The following ATOSA variants were observed in gnomAD, a reference collection of about 807,000 sequenced individuals.
The protein encoded by ATOSA is atos homolog protein A.
chr15:52,643,137 A>C, the ATOSA span, among the ~76,000 whole-genome samples: 1 of 152,164 alleles, frequency 6.6e-6, no homozygotes, highest in Non-Finnish European at 1.5e-5. Context: ...AGGCCTTATA[A>C]AGACGTACCA....
chr15:52,611,020 C>T, the ATOSA span: 2 of 1,277,952 alleles, frequency 1.6e-6, no homozygotes, highest in Non-Finnish European at 1.1e-6. Flanking sequence ...ATTTTATCCA[C>T]TTACATTTAG....
At chr15:52,641,360 C>T in the ATOSA span, among the ~76,000 whole-genome samples, 1 of 152,224 alleles carries the variant, frequency 6.6e-6, no homozygotes, top group African/African-American at 2.4e-5. Flanking sequence ...CCCTACAGTG[C>T]TATGGGGTCT....
At chr15:52,593,268 G>A in the ATOSA span, 4 of 243,634 alleles carry the variant, frequency 1.6e-5, no homozygotes, top group East Asian at 3.2e-4. Flanking sequence ...AGAGGACACA[G>A]TGCACACTAA....
At chr15:52,609,702 G>A in the ATOSA span, 1 of 1,613,682 alleles carries the variant, frequency 6.2e-7, no homozygotes, top group African/African-American at 1.3e-5. Context: ...GTTTTGAATG[G>A]AGTGAACTAG....
At chr15:52,638,169 T>C in the ATOSA span, among the ~76,000 whole-genome samples, 1 of 152,214 alleles carries the variant, frequency 6.6e-6, no homozygotes, top group Non-Finnish European at 1.5e-5. Context: ...GAAAGAAATC[T>C]CTCAAGGAAA....
At chr15:52,646,389 C>G in the ATOSA span, among the ~76,000 whole-genome samples, 4 of 152,154 alleles carry the variant, frequency 2.6e-5, no homozygotes, top group African/African-American at 9.7e-5. Flanking sequence ...GGGTGGCAGT[C>G]TAAGGCCAAA....
the ATOSA span, among the ~76,000 whole-genome samples, chr15:52,630,930 C>T: frequency 2.0e-5 from 3 of 152,058 alleles, no homozygotes; most frequent in Non-Finnish European, 2.9e-5. Flanking sequence ...AAAAAACAAG[C>T]TAAACAACAT....
chr15:52,639,500 G>T, the ATOSA span, among the ~76,000 whole-genome samples: 5 of 152,158 alleles, frequency 3.3e-5, no homozygotes, highest in Non-Finnish European at 7.3e-5. Flanking sequence ...TATAATGACG[G>T]CTTTTAGCAT....
At chr15:52,602,822 T>G in the ATOSA span, among the ~76,000 whole-genome samples, 4 of 152,222 alleles carry the variant, frequency 2.6e-5, no homozygotes, top group Non-Finnish European at 2.9e-5. Flanking sequence ...GTTACAGACT[T>G]GCAGCCTTGA....
chr15:52,635,740 G>A, the ATOSA span, among the ~76,000 whole-genome samples: 2 of 152,160 alleles, frequency 1.3e-5, no homozygotes, highest in African/African-American at 4.8e-5. Flanking sequence ...GCTCACGCCT[G>A]TAATCCCAGC....
chr15:52,601,408 A>G, the ATOSA span, among the ~76,000 whole-genome samples: 23 of 152,102 alleles, frequency 1.5e-4, no homozygotes, highest in African/African-American at 5.6e-4. Context: ...AAGAAGCAGA[A>G]ACATTTTTTT....
At chr15:52,678,051 G>T in the ATOSA span, 1 of 1,613,928 alleles carries the variant, frequency 6.2e-7, no homozygotes, top group Admixed American at 1.7e-5. Flanking sequence ...CCAGAGTGCT[G>T]TGAAATGCAC....
At chr15:52,694,551 T>C in the ATOSA span, among the ~76,000 whole-genome samples, 2 of 152,060 alleles carry the variant, frequency 1.3e-5, no homozygotes, top group Admixed American at 6.5e-5. Context: ...TCCTGAAAAT[T>C]TGCTGGGTGT....
At chr15:52,626,690 A>G in the ATOSA span, among the ~76,000 whole-genome samples, 26 of 152,122 alleles carry the variant, frequency 1.7e-4, no homozygotes, top group Non-Finnish European at 3.4e-4. Context: ...GGGGCCTTAA[A>G]CCTACGTCTC....
the ATOSA span, among the ~76,000 whole-genome samples, chr15:52,660,081 ATTTCATGAAAC>A: frequency 1.4e-4 from 22 of 152,314 alleles, no homozygotes; most frequent in African/African-American, 4.8e-4. Flanking sequence ...TGAATTTTGT[ATTTCATGAAAC>A]TCACTGATAT....
chr15:52,699,308 G>A, the ATOSA span, among the ~76,000 whole-genome samples: 1 of 152,058 alleles, frequency 6.6e-6, no homozygotes, highest in Non-Finnish European at 1.5e-5. Context: ...TCAGGCAGGA[G>A]ATGGAAAAAT....
chr15:52,591,323 C>G, the ATOSA span, among the ~76,000 whole-genome samples: 1 of 152,138 alleles, frequency 6.6e-6, no homozygotes, highest in Non-Finnish European at 1.5e-5. Flanking sequence ...CTCTGCCTCC[C>G]GGGTTCAAGC....
the ATOSA span, among the ~76,000 whole-genome samples, chr15:52,665,280 G>A: frequency 1.8e-4 from 28 of 152,240 alleles, no homozygotes; most frequent in African/African-American, 6.8e-4. Flanking sequence ...AATTACGGGG[G>A]TGAGGGGAGA....
the ATOSA span, chr15:52,608,704 T>C: frequency 8.1e-6 from 13 of 1,612,648 alleles, no homozygotes; most frequent in Non-Finnish European, 1.1e-5. Flanking sequence ...GTCTGACTTT[T>C]TACATTTGAA....
Sources: allele counts gnomAD v4.1 joint callset (sites outside exome capture counted in the v4.1 genomes callset), GRCh38; gene constraint gnomAD v4.1.1; transcripts MANE v1.5; gene names NCBI Gene and HGNC (gene_info 2026-07-23, HGNC 2026-07-21).